Variants in SDK1 observed in about 807,000 individuals in gnomAD.
SDK1 encodes protein sidekick-1.
In SDK1, 157 loss-of-function variants were observed where a neutral mutation model predicts 245.5. That is an observed-to-expected ratio of 0.64 (90% CI 0.56 to 0.73). The LOEUF (loss-of-function observed/expected upper bound fraction) is 0.73, where lower values mean the gene tolerates loss of function less well. SDK1 is among the 30% of genes least tolerant of loss of function. SDK1 has a pLI of 0.00. For missense variants in SDK1, 3,583 were observed against 3,002.3 expected (o/e 1.19, Z -4.52); for synonymous variants, 1,647 against 1,278.5 (o/e 1.29, Z -6.15).
intron 13 of SDK1, among the ~76,000 whole-genome samples, chr7:3,983,762 T>C (rs920375497): frequency 6.6e-6 from 1 of 152,194 alleles, no homozygotes; most frequent in African/African-American, 2.4e-5. Flanking sequence ...GGGGAGAGAC[T>C]GAAACTGGGA....
intron 22 of SDK1, among the ~76,000 whole-genome samples, chr7:4,107,947 G>GT (rs1192148646): frequency 2.6e-5 from 4 of 152,194 alleles, no homozygotes; most frequent in African/African-American, 4.8e-5. Flanking sequence ...TTCTTTCAGC[G>GT]TAACATAGGC....
chr7:3,526,971 C>T (rs180762595), intron 1 of SDK1, among the ~76,000 whole-genome samples: 1 of 152,124 alleles, frequency 6.6e-6, no homozygotes, highest in Non-Finnish European at 1.5e-5. Context: ...AGTTAACTTG[C>T]TATAAATCTA....
intron 30 of SDK1, among the ~76,000 whole-genome samples, chr7:4,154,182 G>A (rs1584312067): frequency 1.3e-5 from 2 of 152,134 alleles, no homozygotes; most frequent in African/African-American, 2.4e-5. Flanking sequence ...CTTCCCCGAC[G>A]CCCATTCCAG....
chr7:3,791,168 A>C (rs115502857), intron 4 of SDK1, among the ~76,000 whole-genome samples: 5,522 of 151,362 alleles, frequency 0.036, 137 homozygotes, highest in Middle Eastern at 0.065. Flanking sequence ...AAAACAACAA[A>C]AAAAAAAACA....
intron 1 of SDK1, among the ~76,000 whole-genome samples, chr7:3,388,777 A>G (rs557251740): frequency 4.0e-4 from 60 of 151,018 alleles, no homozygotes; most frequent in Non-Finnish European, 7.9e-4. Flanking sequence ...TTTAAATGAG[A>G]TTTCTGTCAC....
At chr7:3,674,071 T>G (rs147482541) in intron 4 of SDK1, among the ~76,000 whole-genome samples, 22 of 152,182 alleles carry the variant, frequency 1.4e-4, no homozygotes, top group African/African-American at 4.8e-4. Context: ...GAAGAGAGAA[T>G]AGGAGAAAAA....
At chr7:3,780,338 C>A (rs1055197935) in intron 4 of SDK1, among the ~76,000 whole-genome samples, 1 of 152,204 alleles carries the variant, frequency 6.6e-6, no homozygotes, top group African/African-American at 2.4e-5. Context: ...GGTCTCACCT[C>A]TTAGGAAACA....
intron 1 of SDK1, among the ~76,000 whole-genome samples, chr7:3,375,454 G>T (rs1306067847): frequency 1.3e-5 from 2 of 152,182 alleles, no homozygotes; most frequent in Non-Finnish European, 2.9e-5. Context: ...TCATTGCCTT[G>T]TAGTATTCTT....
intron 1 of SDK1, among the ~76,000 whole-genome samples, chr7:3,334,685 C>T (rs750690147): frequency 3.3e-5 from 5 of 152,126 alleles, no homozygotes; most frequent in East Asian, 1.9e-4. Context: ...CTGTTCCCTT[C>T]GTTGAATCTT....
chr7:4,051,769 C>T lies in SDK1; in HGVS notation c.2850C>T (p.Cys950=), dbSNP rs368668670. The change falls in exon 19 of 45, where the codon TGC becomes TGT. Residue 950 remains cysteine (C), a synonymous_variant. Coordinates refer to ENST00000404826, the MANE Select transcript of SDK1 (RefSeq NM_152744.4). ...CCGCCTACTTCACTTCCGTTCTGTG[C>T]TTCACCACCCCTGGGGACGGGCCTC... The part of the protein sequence containing the change: ...KFTAYFTSVL[C]FTTPGDGPPS... 3.1e-6 allele frequency: 5 copies of T among 1,613,966 alleles called. No individual in the cohort carries two copies. The highest frequency in any genetic ancestry group is 4.2e-6 in the Non-Finnish European group (5 of 1,179,954).
intron 1 of SDK1, among the ~76,000 whole-genome samples, chr7:3,434,203 C>G (rs1313677159): frequency 6.6e-6 from 1 of 152,072 alleles, no homozygotes; most frequent in Non-Finnish European, 1.5e-5. Context: ...ACTCACTCTA[C>G]CAGGCCAAAG....
intron 1 of SDK1, among the ~76,000 whole-genome samples, chr7:3,608,068 G>A (rs73673645): frequency 0.015 from 2,210 of 152,302 alleles, 44 homozygotes; most frequent in African/African-American, 0.043. Flanking sequence ...ACCTGAGCGC[G>A]TATCCCGAGG....
chr7:3,906,948 T>G (rs1460779527), intron 5 of SDK1, among the ~76,000 whole-genome samples: 1 of 152,124 alleles, frequency 6.6e-6, no homozygotes, highest in Non-Finnish European at 1.5e-5. Context: ...TTTTTTGATC[T>G]CCTTTCTAGC....
chr7:3,778,485 A>G (rs751142482), intron 4 of SDK1, among the ~76,000 whole-genome samples: 2 of 152,220 alleles, frequency 1.3e-5, no homozygotes, highest in African/African-American at 2.4e-5. Context: ...ACATCTGGCA[A>G]ATAGACCCAG....
At chr7:3,704,448 G>A (rs1464213338) in intron 4 of SDK1, among the ~76,000 whole-genome samples, 5 of 151,482 alleles carry the variant, frequency 3.3e-5, no homozygotes, top group Non-Finnish European at 7.4e-5. Flanking sequence ...GCATTTCCCT[G>A]ATGATTAGTG....
intron 4 of SDK1, among the ~76,000 whole-genome samples, chr7:3,721,394 G>A (rs1778793314): frequency 6.6e-6 from 1 of 152,066 alleles, no homozygotes; most frequent in Non-Finnish European, 1.5e-5. Context: ...AAGGATGAAT[G>A]GGTTTCACTG....
At chr7:3,503,848 A>ATT (rs1782298784) in intron 1 of SDK1, among the ~76,000 whole-genome samples, 2 of 151,990 alleles carry the variant, frequency 1.3e-5, no homozygotes, top group African/African-American at 4.8e-5. Context: ...AAGACTTAAT[A>ATT]ATGTTAAAAT....
chr7:3,389,725 A>G (rs1382166822), intron 1 of SDK1, among the ~76,000 whole-genome samples: 2 of 147,424 alleles, frequency 1.4e-5, no homozygotes, highest in African/African-American at 5.1e-5. Flanking sequence ...TGATCGTGCC[A>G]CTGCACTCCA....
At chr7:3,882,352 G>A (rs557117210) in intron 5 of SDK1, among the ~76,000 whole-genome samples, 4 of 152,322 alleles carry the variant, frequency 2.6e-5, no homozygotes, top group South Asian at 2.1e-4. Flanking sequence ...CAGGGAGGGC[G>A]ACCTTGGATG....
Sources: allele counts gnomAD v4.1 joint callset (sites outside exome capture counted in the v4.1 genomes callset), GRCh38; gene constraint gnomAD v4.1.1; transcripts MANE v1.5; gene names NCBI Gene and HGNC (gene_info 2026-07-23, HGNC 2026-07-21).